Variants in SUSD3 observed in about 807,000 individuals in gnomAD.
SUSD3 encodes sushi domain-containing protein 3.
SUSD3 carries 18 observed loss-of-function variants against 20.6 expected under a neutral mutation model. The ratio of observed to expected loss-of-function variants is 0.87; its 90% CI spans 0.60 to 1.30. The LOEUF (loss-of-function observed/expected upper bound fraction) is 1.30, where lower values mean the gene tolerates loss of function less well. SUSD3 is among the 50% of genes most tolerant of loss of function. The pLI, the probability that SUSD3 is intolerant of heterozygous loss-of-function variation, is 0.00. For synonymous variants in SUSD3, 137 were observed against 141.5 expected, an observed-to-expected ratio of 0.97 and a Z score of 0.23; for missense variants, 306 against 346.9, an observed-to-expected ratio of 0.88 and a Z score of 0.94.
chr9:93,068,159 G>T (rs1825784390), intron 1 of SUSD3, among the ~76,000 whole-genome samples: 2 of 152,112 alleles, frequency 1.3e-5, no homozygotes, highest in South Asian at 4.1e-4. Flanking sequence ...TTGGTAAGTT[G>T]TCTTTTCACT....
In SUSD3 at chr9:93,084,816, A is replaced by ACAACTCCACAT. The variant is rs1189259455; in HGVS notation, c.*81_*91dup. The stretch of plus-strand genomic sequence containing the variant: ...GGCTGACCCCACCAGCCAGTCAGCT[A>ACAACTCCACAT]CAACTCCACATCAACTCCACATGCG... On this transcript the variant is annotated 3_prime_UTR_variant, in exon 5 of 5. Transcript: ENST00000375472. 2.3e-6 allele frequency: 3 copies of ACAACTCCACAT among 1,332,060 alleles called. No individual in the cohort carries two copies. The highest frequency in any genetic ancestry group is 2.0e-6 in the Non-Finnish European group (2 of 1,003,042). The allele number at this position is 1,332,060 out of a possible 1,614,324, so 82.5% of individuals were successfully genotyped here. A position where few individuals can be genotyped will look rare whatever the true frequency, so the allele number is the denominator to read the frequency against.
chr9:93,070,913 G>A (rs148349859), intron 1 of SUSD3, among the ~76,000 whole-genome samples: 2 of 152,242 alleles, frequency 1.3e-5, no homozygotes, highest in East Asian at 3.9e-4. Context: ...TCCTACTTTT[G>A]TTATTGTCAC....
intron 1 of SUSD3, among the ~76,000 whole-genome samples, chr9:93,062,121 C>T (rs932365687): frequency 1.3e-5 from 2 of 152,202 alleles, no homozygotes; most frequent in African/African-American, 4.8e-5. Flanking sequence ...GCTTGGCCCC[C>T]TCCGTACATA....
rs1826593729 is a variant in SUSD3, at chr9:93,084,917, C to T, written c.*170C>T. The T allele has an allele frequency of 5.3e-6, 3 of 561,178 alleles. No individual in the cohort carries two copies. In the Admixed American group the frequency reaches 1.3e-4, roughly 24 times the overall value. 34.8% of individuals were successfully genotyped at this position (561,178 alleles called of 1,614,324 possible). A position where few individuals can be genotyped will look rare whatever the true frequency, so the allele number is the denominator to read the frequency against. On this transcript the variant is annotated 3_prime_UTR_variant, in exon 5 of 5. Transcript: ENST00000375472. ...TGAGGGGCCGAGCTGACATCCAAGGCTGAGGACCCCAGTGGGGAGTGTTCT... is the reference window on the plus strand; with the variant it reads ...TGAGGGGCCGAGCTGACATCCAAGGTTGAGGACCCCAGTGGGGAGTGTTCT...
At chr9:93,070,222 C>T (rs1825860385) in intron 1 of SUSD3, among the ~76,000 whole-genome samples, 1 of 152,240 alleles carries the variant, frequency 6.6e-6, no homozygotes, top group Admixed American at 6.5e-5. Context: ...TTAGACACCG[C>T]ATCTAGTGGT....
At chr9:93,071,838 A>G (rs1332647633) in intron 1 of SUSD3, among the ~76,000 whole-genome samples, 1 of 152,144 alleles carries the variant, frequency 6.6e-6, no homozygotes, top group Non-Finnish European at 1.5e-5. Flanking sequence ...GGGATACTAG[A>G]GGCAACCGCA....
At chr9:93,079,351 A>G (rs750391333) in intron 3 of SUSD3, 120 bp from the exon 4 acceptor site, 47 of 1,080,734 alleles carry the variant, frequency 4.3e-5, no homozygotes, top group Non-Finnish European at 5.4e-5. Flanking sequence ...GCTCTTTGAG[A>G]GGTTTGCCAG....
chr9:93,058,909 CG>C, intron 1 of SUSD3, 79 bp downstream of exon 1: 3 of 862,348 alleles, frequency 3.5e-6, no homozygotes, highest in Non-Finnish European at 1.6e-6. Flanking sequence ...GAGGGGGTCG[CG>C]GGGCCGCACA....
At chr9:93,079,382 G>A (rs1826308025) in intron 3 of SUSD3, 89 bp from the exon 4 acceptor site, 13 of 1,454,956 alleles carry the variant, frequency 8.9e-6, no homozygotes, top group African/African-American at 1.4e-5. Flanking sequence ...TCCTGCAGAC[G>A]GTGCCCTGGG....
intron 4 of SUSD3, 61 bp downstream of exon 4, chr9:93,079,663 C>T (rs1180828685): frequency 6.3e-7 from 1 of 1,580,106 alleles, no homozygotes; most frequent in Non-Finnish European, 8.6e-7. Flanking sequence ...TGGTCAGGCC[C>T]CGGGCCACCT....
chr9:93,061,031 G>C (rs574187020), intron 1 of SUSD3, among the ~76,000 whole-genome samples: 5 of 152,170 alleles, frequency 3.3e-5, no homozygotes, highest in Non-Finnish European at 5.9e-5. Context: ...GGCAGGGCGC[G>C]GGGGAGACTA....
At chr9:93,068,288 G>T (rs1220960829) in intron 1 of SUSD3, among the ~76,000 whole-genome samples, 1 of 152,150 alleles carries the variant, frequency 6.6e-6, no homozygotes, top group East Asian at 1.9e-4. Context: ...AGTTTACAAA[G>T]ATTTTCCCTA....
rs142897235 is a variant in SUSD3 at position 93,077,962 on chromosome 9, G to A, written c.394G>A (p.Val132Met). 8.7e-5 allele frequency: 141 copies of A among 1,614,238 alleles called. No individual in the cohort carries two copies. In the East Asian group the frequency reaches 1.6e-3, roughly 18 times the overall value. Residue 132 changes from valine to methionine, a missense_variant, in exon 3 of 5, where the codon GTG (valine) becomes ATG (methionine). Val to Met is a conservative substitution (Grantham distance 21). Transcript: ENST00000375472. ...CCTCACCTGCTGCCTCCTCAAGTGC[G>A]TGAAGAAGAGCAAGCGGCGGCGCTC... ...AFLTCCLLKC[V>M]KKSKRRRSNR...
chr9:93,072,547 C>G (rs1219553890), intron 1 of SUSD3, among the ~76,000 whole-genome samples: 1 of 152,204 alleles, frequency 6.6e-6, no homozygotes, highest in Admixed American at 6.5e-5. Context: ...CCGTGGCACA[C>G]ATGGCTGGGG....
At chr9:93,065,430 C>T (rs1360916922) in intron 1 of SUSD3, among the ~76,000 whole-genome samples, 1 of 152,258 alleles carries the variant, frequency 6.6e-6, no homozygotes, top group Non-Finnish European at 1.5e-5. Flanking sequence ...CACACTCACC[C>T]TCGCCAACCT....
In SUSD3 at chr9:93,072,819, G is replaced by A. The variant is rs368327859; in HGVS notation, c.89-2965G>A. Among the ~76,000 whole-genome samples, 451 of 152,248 alleles carry A rather than the reference G, an allele frequency of 3.0e-3. 4 individuals carry two copies. The highest frequency in any genetic ancestry group is 3.4e-3 in the Middle Eastern group (1 of 294). ...AATTGGTTGTGGATTGAGAAAGTAG[G>A]TTTCAAGGTTTAGGGCCCAAGCAAC... On this transcript the variant is annotated intron_variant, in intron 1 of 4. Coordinates refer to ENST00000375472, the MANE Select transcript of SUSD3 (RefSeq NM_145006.4).
At chr9:93,068,649 G>C (rs1187498740) in intron 1 of SUSD3, among the ~76,000 whole-genome samples, 2 of 152,154 alleles carry the variant, frequency 1.3e-5, no homozygotes, top group Non-Finnish European at 2.9e-5. Flanking sequence ...GGCTATTCTA[G>C]GTCTTTTGCA....
At chr9:93,079,717 C>T in intron 4 of SUSD3, 115 bp downstream of exon 4, 1 of 1,150,110 alleles carries the variant, frequency 8.7e-7, no homozygotes. Context: ...ACACGCCTAG[C>T]CCACCCAGAA....
chr9:93,063,770 C>G (rs1374042737), intron 1 of SUSD3, among the ~76,000 whole-genome samples: 4 of 152,222 alleles, frequency 2.6e-5, no homozygotes, highest in East Asian at 3.9e-4. Context: ...GCCATTCCAG[C>G]AGTGCACTTA....
Sources: allele counts gnomAD v4.1 joint callset (sites outside exome capture counted in the v4.1 genomes callset), GRCh38; gene constraint gnomAD v4.1.1; transcripts MANE v1.5; gene names NCBI Gene and HGNC (gene_info 2026-07-23, HGNC 2026-07-21).